Variants in AVL9 observed in about 807,000 individuals in gnomAD.
AVL9 encodes late secretory pathway protein AVL9 homolog.
Under a neutral mutation model 79.2 loss-of-function variants are expected in AVL9, and 49 were observed. That is an observed-to-expected ratio of 0.62 (90% CI 0.49 to 0.79). AVL9 has a LOEUF of 0.79. Among genes scored for constraint, AVL9 ranks in the 30% least tolerant of loss-of-function variants. The probability of loss-of-function intolerance (pLI) is 0.00; values close to 1 mark genes in which losing one functional copy is unlikely to be tolerated. For missense variants in AVL9, 682 were observed against 776.8 expected (o/e 0.88, Z 1.45); for synonymous variants, 299 against 280.6 (o/e 1.07, Z -0.65).
intron 1 of AVL9, among the ~76,000 whole-genome samples, chr7:32,515,007 C>T (rs932892649): frequency 1.3e-5 from 2 of 152,210 alleles, no homozygotes; most frequent in African/African-American, 2.4e-5. Context: ...CAAAGCAGAA[C>T]AATTTTTCTT....
At chr7:32,580,998 TCA>T in intron 15 of AVL9, 108 bp downstream of exon 15, 1 of 894,250 alleles carries the variant, frequency 1.1e-6, no homozygotes, top group South Asian at 1.7e-5. Context: ...ATCTGTGTTA[TCA>T]CATAGTAATA....
chr7:32,546,339 A>C (rs1789502261), intron 3 of AVL9, among the ~76,000 whole-genome samples: 1 of 152,172 alleles, frequency 6.6e-6, no homozygotes, highest in East Asian at 1.9e-4. Context: ...CCATGGGTGT[A>C]AATTCCAGGA....
At chr7:32,549,016 A>G in intron 4 of AVL9, 98 bp downstream of exon 4, 2 of 741,860 alleles carry the variant, frequency 2.7e-6, no homozygotes, top group South Asian at 3.5e-5. Context: ...TTTAAATGAC[A>G]TATTAAAATT....
chr7:32,527,992 C>G (rs1788478295), intron 1 of AVL9, among the ~76,000 whole-genome samples: 1 of 152,176 alleles, frequency 6.6e-6, no homozygotes, highest in Admixed American at 6.5e-5. Flanking sequence ...GACCTTAAAT[C>G]TGACAAACAT....
chr7:32,515,935 G>A (rs1787886448), intron 1 of AVL9, among the ~76,000 whole-genome samples: 1 of 152,034 alleles, frequency 6.6e-6, no homozygotes, highest in East Asian at 1.9e-4. Flanking sequence ...AAAAAAAATT[G>A]TTCTTTCATT....
intron 7 of AVL9, 31 bp downstream of exon 7, chr7:32,553,798 T>C: frequency 6.5e-7 from 1 of 1,543,546 alleles, no homozygotes; most frequent in South Asian, 1.1e-5. Context: ...AAATTTATGA[T>C]GTACAGTACT....
At chr7:32,535,634 A>C (rs1168118117) in intron 1 of AVL9, 2 of 152,190 alleles carry the variant, frequency 1.3e-5, no homozygotes, top group Admixed American at 6.5e-5. Context: ...TGTTAAATTT[A>C]TCTTGGCAGA....
chr7:32,497,944 C>T (rs1309831140), intron 1 of AVL9, among the ~76,000 whole-genome samples: 1 of 152,102 alleles, frequency 6.6e-6, no homozygotes, highest in Admixed American at 6.6e-5. Context: ...AGCCACCACG[C>T]CCAGTCATGA....
chr7:32,500,473 C>G (rs181524109), intron 1 of AVL9, among the ~76,000 whole-genome samples: 7 of 152,096 alleles, frequency 4.6e-5, no homozygotes, highest in Admixed American at 2.0e-4. Flanking sequence ...CTTGTAGAGT[C>G]TGGATATTAG....
intron 1 of AVL9, among the ~76,000 whole-genome samples, chr7:32,520,860 TC>T (rs1258845269): frequency 2.6e-5 from 4 of 152,210 alleles, no homozygotes; most frequent in Admixed American, 6.5e-5. Context: ...GAATTGTATC[TC>T]CCCGAATTCA....
At chr7:32,581,275 CAGTT>C (rs974769184) in intron 15 of AVL9, 2 of 157,228 alleles carry the variant, frequency 1.3e-5, no homozygotes, top group African/African-American at 2.4e-5. Flanking sequence ...ATGAAGCCAA[CAGTT>C]GGTTTTTCAA....
chr7:32,503,368 A>ACACACACC (rs1391682273), intron 1 of AVL9, among the ~76,000 whole-genome samples: 1 of 42,886 alleles, frequency 2.3e-5, no homozygotes. Context: ...AGAGATATAT[A>ACACACACC]TATATACACA....
Position 32,583,896 on chromosome 7 carries a change from G to A in AVL9, c.1936G>A (p.Glu646Lys), listed in dbSNP as rs762068998. 1 of 1,613,266 alleles carries A rather than the reference G, an allele frequency of 6.2e-7. No homozygotes were observed. The highest frequency in any genetic ancestry group is 8.5e-7 in the Non-Finnish European group (1 of 1,179,272). ...TSQSLTEPPD[E>K]KP is the part of the protein sequence containing the mutation. The stretch of plus-strand genomic sequence containing the variant: ...CCAAAGTCTCACTGAGCCACCAGAT[G>A]AGAAGCCTTGAGCAAGGCGTCAGAG... The change falls in exon 16 of 16, where the codon GAG becomes AAG. Residue 646 changes from glutamate to lysine, a missense_variant. Physicochemically the swap from Glu to Lys is moderately conservative, Grantham distance 56. Coordinates refer to ENST00000318709, the MANE Select transcript of AVL9 (RefSeq NM_015060.3).
chr7:32,561,156 T>A (rs577804752), intron 10 of AVL9, among the ~76,000 whole-genome samples: 2 of 152,212 alleles, frequency 1.3e-5, no homozygotes, highest in African/African-American at 2.4e-5. Flanking sequence ...AGTCACCAGC[T>A]GCATTAGCCC....
rs1372737835 is a variant in AVL9 at position 32,588,025 on chromosome 7, C to CAT, written c.*4119_*4120dup. On this transcript the variant is annotated 3_prime_UTR_variant, in exon 16 of 16. Coordinates refer to ENST00000318709, the MANE Select transcript of AVL9 (RefSeq NM_015060.3). ...AATATATTTTGTAAAACTCTAAATA[C>CAT]ATTTGTATTTCTGTGCTGTTCTAAA... 2.0e-5 allele frequency: 3 copies of CAT among 152,092 alleles called. No individual in the cohort carries two copies. The highest frequency in any genetic ancestry group is 1.5e-5 in the Non-Finnish European group (1 of 68,016). The allele number at this position is 152,092 out of a possible 1,614,324, so 9.4% of individuals were successfully genotyped here.
intron 15 of AVL9, chr7:32,581,097 A>G (rs564092416): frequency 5.8e-6 from 3 of 520,158 alleles, no homozygotes; most frequent in South Asian, 2.5e-5. Context: ...GAGAGTGACA[A>G]AATTTTCTGA....
intron 1 of AVL9, among the ~76,000 whole-genome samples, chr7:32,514,984 A>G (rs1787846840): frequency 6.6e-6 from 1 of 152,234 alleles, no homozygotes; most frequent in Non-Finnish European, 1.5e-5. Flanking sequence ...AGAGTTACAG[A>G]TTAACAGCAT....
intron 1 of AVL9, among the ~76,000 whole-genome samples, chr7:32,502,063 T>TA (rs34438459): frequency 0.029 from 4,296 of 150,000 alleles, 89 homozygotes; most frequent in African/African-American, 0.062. Flanking sequence ...ACATTTATGA[T>TA]AAAAAAAAAA....
At chr7:32,528,476 T>C (rs562044036) in intron 1 of AVL9, among the ~76,000 whole-genome samples, 7 of 152,324 alleles carry the variant, frequency 4.6e-5, no homozygotes, top group Admixed American at 2.0e-4. Flanking sequence ...GTAACAATTC[T>C]GGCAACCCAG....
Sources: gnomAD v4.1 joint callset for allele counts (sites outside exome capture counted in the v4.1 genomes callset) on GRCh38, gnomAD v4.1.1 for gene constraint, MANE v1.5 for transcripts, NCBI Gene and HGNC (gene_info 2026-07-23, HGNC 2026-07-21) for gene names.